OR6J1: variants seen among roughly 807,000 people sequenced by gnomAD.
OR6J1 encodes the protein olfactory receptor family 6 subfamily J member 1.
For synonymous variants in OR6J1, 109 were observed against 70.0 expected, an observed-to-expected ratio of 1.56 and a Z score of -2.78; for missense variants, 304 against 166.8, an observed-to-expected ratio of 1.82 and a Z score of -4.53.
At position 22,633,692 on chromosome 14, in the gene OR6J1, C is replaced by T. The variant is rs1386224893; in HGVS notation, c.*76G>A. ...GCCAGCGTTCAAGTCTCTGTCTCCG[C>T]AGTCAGTCTTTCCACTATAGACTAT... On this transcript the variant is annotated 3_prime_UTR_variant, in exon 2 of 2. Transcript: ENST00000540461. The T allele has an allele frequency of 5.0e-6, 3 of 602,858 alleles. No homozygotes were observed. Among genetic ancestry groups the T allele is most frequent in the Non-Finnish European group, 8.8e-6 (3 of 339,016 alleles). 37.3% of individuals were successfully genotyped at this position (602,858 alleles called of 1,614,324 possible). A position where few individuals can be genotyped will look rare whatever the true frequency, so the allele number is the denominator to read the frequency against.
chr14:22,639,371 G>GC (rs1229292794), intron 1 of OR6J1, among the ~76,000 whole-genome samples: 13 of 126,734 alleles, frequency 1.0e-4, no homozygotes, highest in African/African-American at 3.6e-4. Context: ...GGGGGGGTCA[G>GC]CCCCCCGCCC....
intron 1 of OR6J1, among the ~76,000 whole-genome samples, chr14:22,642,394 A>G (rs1020552805): frequency 6.8e-6 from 1 of 146,428 alleles, no homozygotes. Flanking sequence ...GCTGGAGTGC[A>G]GTGGCACGAG....
chr14:22,630,964 C>T lies in OR6J1; in HGVS notation c.*2804G>A, dbSNP rs1487910060. On this transcript the variant is annotated 3_prime_UTR_variant, in exon 2 of 2. Transcript: ENST00000540461. ...AGCTGGGCAGCCGGGGGAGACATCA[C>T]ATGTCACTAGGTTCCATGATGCCCC... The T allele has an allele frequency of 6.6e-6, 1 of 152,112 alleles. No homozygotes were observed. Among genetic ancestry groups the T allele is most frequent in the Non-Finnish European group, 1.5e-5 (1 of 68,042 alleles). The allele number at this position is 152,112 out of a possible 1,614,324, so 9.4% of individuals were successfully genotyped here.
At chr14:22,638,022 G>A (rs1430346692) in intron 1 of OR6J1, among the ~76,000 whole-genome samples, 1 of 108,572 alleles carries the variant, frequency 9.2e-6, no homozygotes, top group South Asian at 2.6e-4. Flanking sequence ...CCGTCCGGGA[G>A]GATGGTGGGG....
rs1594900959 is a variant in OR6J1 at position 22,634,301 on chromosome 14, T to G, written c.511A>C (p.Asn171His). 1 of 703,190 alleles carries G rather than the reference T, an allele frequency of 1.4e-6. No individual in the cohort carries two copies. The allele number at this position is 703,190 out of a possible 1,614,324, so 43.6% of individuals were successfully genotyped here. A position where few individuals can be genotyped will look rare whatever the true frequency, so the allele number is the denominator to read the frequency against. ...TCACAGAAGAAGTGGTTAATGATAT[T>G]GGAGCCACAGAAGGGCAGCTGGGAG... ...LISQLPFCGS[N>H]IINHFFCDSG... The change falls in exon 2 of 2, where the codon AAT (asparagine) becomes CAT (histidine). Residue 171 changes from asparagine to histidine, a missense_variant. Transcript: ENST00000540461.
chr14:22,638,892 A>C (rs1412564437), intron 1 of OR6J1, among the ~76,000 whole-genome samples: 1 of 96,634 alleles, frequency 1.0e-5, no homozygotes, highest in Non-Finnish European at 2.1e-5. Flanking sequence ...GCCTCTTCCC[A>C]GCCGCCATCA....
chr14:22,643,449 C>G (rs1020772126), intron 1 of OR6J1, among the ~76,000 whole-genome samples: 2 of 151,426 alleles, frequency 1.3e-5, no homozygotes, highest in African/African-American at 4.9e-5. Context: ...GCACACACCA[C>G]CATGCCCGGC....
chr14:22,643,257 C>T (rs551217448), intron 1 of OR6J1, among the ~76,000 whole-genome samples: 6 of 150,872 alleles, frequency 4.0e-5, no homozygotes, highest in South Asian at 4.2e-4. Context: ...CGTGAGCCAC[C>T]GTGCCTAGCC....
Position 22,632,275 on chromosome 14 carries a change from A to G in OR6J1, c.*1493T>C, listed in dbSNP as rs555415475. 6.6e-6 allele frequency: 1 copy of G among 152,372 alleles called. No individual in the cohort carries two copies. The allele number at this position is 152,372 out of a possible 1,614,324, so 9.4% of individuals were successfully genotyped here. A position where few individuals can be genotyped will look rare whatever the true frequency, so the allele number is the denominator to read the frequency against. On this transcript the variant is annotated 3_prime_UTR_variant, in exon 2 of 2. Coordinates refer to ENST00000540461, the MANE Select transcript of OR6J1 (RefSeq NM_001348233.2). ...AATTCAGACTAGGAATGCAGTTAAA[A>G]ACAGATTCTTGGCTGGGCGCAGTGG...
At position 22,632,797 on chromosome 14, in the gene OR6J1, T is replaced by C; in HGVS notation, c.*971A>G. 1 of 152,394 alleles carries C rather than the reference T, an allele frequency of 6.6e-6. No individual in the cohort carries two copies. Among genetic ancestry groups the C allele is most frequent in the Middle Eastern group, 3.4e-3 (1 of 298 alleles). The allele number at this position is 152,394 out of a possible 1,614,324, so 9.4% of individuals were successfully genotyped here. On this transcript the variant is annotated 3_prime_UTR_variant, in exon 2 of 2. Coordinates refer to ENST00000540461, the MANE Select transcript of OR6J1 (RefSeq NM_001348233.2). ...TACCAGCTCCAGCCCTAGGAAGTCA[T>C]GAGAGAAGAGGGCTCTTTGTGTTGT...
Position 22,634,773 on chromosome 14 carries a change from C to A in OR6J1, c.39G>T (p.Leu13=), listed in dbSNP as rs1444993662. The A allele has an allele frequency of 1.4e-6, 1 of 701,518 alleles. No individual in the cohort carries two copies. The highest frequency in any genetic ancestry group is 1.5e-5 in the South Asian group (1 of 67,108). 43.5% of individuals were successfully genotyped at this position (701,518 alleles called of 1,614,324 possible). ...CCTCCCTGCTCAGGGAAAACCCCAG[C>A]AGAACAAACTCAGTCACCGCTGCAG... ...NWTAAVTEFV[L]LGFSLSREVE... The change falls in exon 2 of 2, where the codon CTG becomes CTT. Residue 13 remains leucine, a synonymous_variant. Coordinates refer to ENST00000540461, the MANE Select transcript of OR6J1 (RefSeq NM_001348233.2).
At position 22,639,268 on chromosome 14, in the gene OR6J1, G is replaced by A. The variant is rs1204035676; in HGVS notation, c.-27-4430C>T. ...AGCCCCCCGCCAGGCCAGCCGCCCC[G>A]TCCGGGAGGTGAGGGGCGCCTCTGC... On this transcript the variant is annotated intron_variant, in intron 1 of 1. Transcript: ENST00000540461. Among the ~76,000 whole-genome samples, 175 of 126,298 alleles carry A rather than the reference G, an allele frequency of 1.4e-3. 3 individuals carry two copies. The highest frequency in any genetic ancestry group is 3.2e-3 in the South Asian group (14 of 4,368). 82.9% of individuals were successfully genotyped at this position (126,298 alleles called of 152,430 possible). A position where few individuals can be genotyped will look rare whatever the true frequency, so the allele number is the denominator to read the frequency against.
intron 1 of OR6J1, among the ~76,000 whole-genome samples, chr14:22,640,205 A>AGAGGGAGG (rs80115809): frequency 4.9e-4 from 38 of 77,296 alleles, no homozygotes; most frequent in South Asian, 1.2e-3. Context: ...GGGAAAAGAG[A>AGAGGGAGG]GAGGGAGGGA....
intron 1 of OR6J1, among the ~76,000 whole-genome samples, chr14:22,638,126 C>T (rs1326633558): frequency 3.4e-5 from 3 of 87,648 alleles, no homozygotes; most frequent in East Asian, 2.8e-4. Flanking sequence ...GCCCCTCTGC[C>T]CGGCCACGAC....
intron 1 of OR6J1, among the ~76,000 whole-genome samples, chr14:22,643,433 C>T (rs868614997): frequency 3.9e-4 from 59 of 151,692 alleles, no homozygotes; most frequent in African/African-American, 1.3e-3. Context: ...GTAACTGGGA[C>T]TACAGGCACA....
chr14:22,641,945 C>T (rs549997696), intron 1 of OR6J1, among the ~76,000 whole-genome samples: 77 of 152,058 alleles, frequency 5.1e-4, no homozygotes, highest in African/African-American at 1.6e-3. Flanking sequence ...GCAGAGGCCA[C>T]GTAATTACCA....
chr14:22,635,485 G>A (rs1389429567), intron 1 of OR6J1, among the ~76,000 whole-genome samples: 1 of 152,174 alleles, frequency 6.6e-6, no homozygotes, highest in East Asian at 1.9e-4. Flanking sequence ...ATGCCATTTT[G>A]GGGGAGAGAT....
At position 22,633,475 on chromosome 14, in the gene OR6J1, T is replaced by C. The variant is rs2037560984; in HGVS notation, c.*293A>G. 1 of 335,892 alleles carries C rather than the reference T, an allele frequency of 3.0e-6. No homozygotes were observed. Among genetic ancestry groups the C allele is most frequent in the Non-Finnish European group, 5.4e-6 (1 of 185,130 alleles). The allele number at this position is 335,892 out of a possible 1,614,324, so 20.8% of individuals were successfully genotyped here. A position where few individuals can be genotyped will look rare whatever the true frequency, so the allele number is the denominator to read the frequency against. ...ATAGAACAGTTGTGTTCGGGATCCA[T>C]AAAGAAATGGGGCCAAACATGTTAG... On this transcript the variant is annotated 3_prime_UTR_variant, in exon 2 of 2. Coordinates refer to ENST00000540461, the MANE Select transcript of OR6J1 (RefSeq NM_001348233.2).
At position 22,639,021 on chromosome 14, in the gene OR6J1, T is replaced by C. The variant is rs2037619892; in HGVS notation, c.-27-4183A>G. Among the ~76,000 whole-genome samples, 12 of 105,604 alleles carry C rather than the reference T, an allele frequency of 1.1e-4. No homozygotes were observed. The South Asian group carries it at 3.4e-3, about 30-fold the overall frequency. The allele number at this position is 105,604 out of a possible 152,430, so 69.3% of individuals were successfully genotyped here. A position where few individuals can be genotyped will look rare whatever the true frequency, so the allele number is the denominator to read the frequency against. ...GCGCCTCTGCCCGGCCGAGACCCCG[T>C]CTGGGAGGTGAGGAGCGTCTCTGCC... On this transcript the variant is annotated intron_variant, in intron 1 of 1. Coordinates refer to ENST00000540461, the MANE Select transcript of OR6J1 (RefSeq NM_001348233.2).
Sources: gnomAD v4.1 joint callset for allele counts (sites outside exome capture counted in the v4.1 genomes callset) on GRCh38, gnomAD v4.1.1 for gene constraint, MANE v1.5 for transcripts, NCBI Gene and HGNC (gene_info 2026-07-23, HGNC 2026-07-21) for gene names.